ARHGAP1: variants seen among roughly 807,000 people sequenced by gnomAD.
ARHGAP1 encodes the protein rho GTPase-activating protein 1.
In ARHGAP1, 23 loss-of-function variants were observed where a neutral mutation model predicts 52.2. That is an observed-to-expected ratio of 0.44 (90% CI 0.32 to 0.62). ARHGAP1 has a LOEUF of 0.62. Ranked by LOEUF, ARHGAP1 falls within the 20% of genes least tolerant of loss-of-function variation. The pLI, the probability that ARHGAP1 is intolerant of heterozygous loss-of-function variation, is 0.05. For synonymous variants in ARHGAP1, 210 were observed against 228.4 expected (o/e 0.92, Z 0.73); for missense variants, 480 against 560.9 (o/e 0.86, Z 1.46).
At chr11:46,695,935 T>G in intron 2 of ARHGAP1, 40 bp downstream of exon 2, 1 of 1,613,774 alleles carries the variant, frequency 6.2e-7, no homozygotes, top group Non-Finnish European at 8.5e-7. Context: ...CTTCCCCCTC[T>G]AAAGCGCCTG....
rs1319866903 is a variant in ARHGAP1, at chr11:46,696,429, C to T, written c.-49-273G>A. On this transcript the variant is annotated intron_variant, in intron 1 of 12. Coordinates refer to ENST00000311956, the MANE Select transcript of ARHGAP1 (RefSeq NM_004308.5). This position sits in a 1 kb window ranked among gnomAD's most constrained non-coding sequence, Gnocchi z 4.8. ...TGCAGCTGGGGAGGGAAGAGCTGTG[C>T]CAGGTCCTGTGCCGCCCGCCACCCA... Among the ~76,000 whole-genome samples, 1 of 152,192 alleles carries T rather than the reference C, an allele frequency of 6.6e-6. No homozygotes were observed. Among genetic ancestry groups the T allele is most frequent in the African/African-American group, 2.4e-5 (1 of 41,446 alleles).
At position 46,679,797 on chromosome 11, in the gene ARHGAP1, G is replaced by A. The variant is rs1396627173; in HGVS notation, c.899-21C>T. 1 of 1,612,220 alleles carries A rather than the reference G, an allele frequency of 6.2e-7. No individual in the cohort carries two copies. The highest frequency in any genetic ancestry group is 2.2e-5 in the East Asian group (1 of 44,898). On this transcript the variant is annotated intron_variant, in intron 10 of 12. Coordinates refer to ENST00000311956, the MANE Select transcript of ARHGAP1 (RefSeq NM_004308.5). This position sits in a 1 kb window ranked among gnomAD's most constrained non-coding sequence, Gnocchi z 4.4. Reference sequence around the variant, plus strand: ...CAGCCCTGGGGTGGGGGCAGCGTGAGAGAAGCTCGGCACAGCCTGAAGGGC... The same window carrying A: ...CAGCCCTGGGGTGGGGGCAGCGTGAAAGAAGCTCGGCACAGCCTGAAGGGC...
Position 46,680,789 on chromosome 11 carries a change from TGGA to T in ARHGAP1, c.636-45_636-43del. ...AGGTGGGTCAGGTCCTGCCTGGCTC[TGGA>T]GTCACTCTGCCAATTCAATCAAGCA... is the stretch of plus-strand genomic sequence containing the variant. On this transcript the variant is annotated intron_variant, in intron 7 of 12. Coordinates refer to ENST00000311956, the MANE Select transcript of ARHGAP1 (RefSeq NM_004308.5). This position sits in a 1 kb window ranked among gnomAD's most constrained non-coding sequence, Gnocchi z 5.9. 7.0e-7 allele frequency: 1 copy of T among 1,420,386 alleles called. No homozygotes were observed. The highest frequency in any genetic ancestry group is 9.5e-7 in the Non-Finnish European group (1 of 1,051,476). 88.0% of individuals were successfully genotyped at this position (1,420,386 alleles called of 1,614,324 possible). A position where few individuals can be genotyped will look rare whatever the true frequency, so the allele number is the denominator to read the frequency against.
chr11:46,688,154 C>T lies in ARHGAP1; in HGVS notation c.317+19G>A, dbSNP rs191051426. 138 of 1,609,452 alleles carry T rather than the reference C, an allele frequency of 8.6e-5. No homozygotes were observed. The Middle Eastern group carries it at 1.7e-3, about 19-fold the overall frequency. On this transcript the variant is annotated intron_variant, in intron 4 of 12. Coordinates refer to ENST00000311956, the MANE Select transcript of ARHGAP1 (RefSeq NM_004308.5). ...GGGATCTGGGCAAAGCCCCAACACA[C>T]TTCCCAGCAGGTACTCACCCCAGGA...
At chr11:46,699,147 C>G (rs1565692065) in intron 1 of ARHGAP1, among the ~76,000 whole-genome samples, 1 of 152,162 alleles carries the variant, frequency 6.6e-6, no homozygotes, top group Non-Finnish European at 1.5e-5. Context: ...CCTAAGAAAA[C>G]TTAGGAGATG....
chr11:46,700,309 G>A (rs1433918167), intron 1 of ARHGAP1, among the ~76,000 whole-genome samples: 1 of 151,816 alleles, frequency 6.6e-6, no homozygotes, highest in African/African-American at 2.4e-5. Context: ...ATCCGGCCTG[G>A]ACTCTGCCCT....
intron 2 of ARHGAP1, 89 bp from the exon 3 acceptor site, chr11:46,695,844 A>G: frequency 1.9e-6 from 3 of 1,586,244 alleles, no homozygotes; most frequent in Non-Finnish European, 2.6e-6. Flanking sequence ...TTCCCCCAGT[A>G]AGGCCCATGC....
chr11:46,697,374 G>T (rs1164321883), intron 1 of ARHGAP1: 1 of 152,196 alleles, frequency 6.6e-6, no homozygotes, highest in East Asian at 1.9e-4. Flanking sequence ...GCTGCTCCAT[G>T]TCCAGCTGCA....
intron 1 of ARHGAP1, among the ~76,000 whole-genome samples, chr11:46,699,265 G>T (rs780144429): frequency 2.6e-5 from 4 of 152,164 alleles, no homozygotes; most frequent in Non-Finnish European, 5.9e-5. Flanking sequence ...TTTGTTGAAT[G>T]AATGAACCAA....
In ARHGAP1 at chr11:46,679,513, T is replaced by C. The variant is rs1207789465; in HGVS notation, c.1028-45A>G. ...GGGTTATAGGGGCCCTAGGCTGGGC[T>C]GGTTCAGGACGCTCTGATGCAGGCT... On this transcript the variant is annotated intron_variant, in intron 11 of 12. Coordinates refer to ENST00000311956, the MANE Select transcript of ARHGAP1 (RefSeq NM_004308.5). This position sits in a 1 kb window ranked among gnomAD's most constrained non-coding sequence, Gnocchi z 4.4. The C allele has an allele frequency of 1.2e-6, 2 of 1,610,548 alleles. No homozygotes were observed. The highest frequency in any genetic ancestry group is 8.5e-7 in the Non-Finnish European group (1 of 1,177,292).
Position 46,679,265 on chromosome 11 carries a change from T to C in ARHGAP1, c.1132-40A>G. 6.3e-7 allele frequency: 1 copy of C among 1,592,414 alleles called. No individual in the cohort carries two copies. Among genetic ancestry groups the C allele is most frequent in the East Asian group, 2.2e-5 (1 of 44,642 alleles). On this transcript the variant is annotated intron_variant, in intron 12 of 12. Transcript: ENST00000311956. The surrounding 1 kb of genome is among the most constrained non-coding windows in gnomAD (Gnocchi z 4.4). The stretch of plus-strand genomic sequence containing the variant: ...AGGGACTGCAGCAGGAAGCCACAGA[T>C]GCTGCCTCCCACTCCCAGCAACAAT...
rs11822837 is a variant in ARHGAP1 at position 46,679,391 on chromosome 11, G to T, written c.1105C>A (p.Arg369Ser). Residue 369 changes from arginine to serine, a missense_variant, in exon 12 of 13, where the codon CGT becomes AGT. Arg to Ser is a moderately radical substitution (Grantham distance 110). Coordinates refer to ENST00000311956, the MANE Select transcript of ARHGAP1 (RefSeq NM_004308.5). This position sits in a 1 kb window ranked among gnomAD's most constrained non-coding sequence, Gnocchi z 4.4. The stretch of plus-strand genomic sequence containing the variant: ...TGCACCAGGAAAGCAGTCAGGAAAC[G>T]AAGCACCTGGTAGTTCTCCTCGGGC... The part of the protein sequence containing the change: ...TLPEENYQVL[R>S]FLTAFLVQIS... The T allele has an allele frequency of 5.0e-6, 8 of 1,614,182 alleles. No individual in the cohort carries two copies. In the East Asian group the frequency reaches 1.8e-4, roughly 36 times the overall value.
chr11:46,682,206 G>T, intron 4 of ARHGAP1, 24 bp from the exon 5 acceptor site: 1 of 1,613,198 alleles, frequency 6.2e-7, no homozygotes, highest in South Asian at 1.1e-5. Context: ...GCCCTGCTCA[G>T]GCCTGCCCTG....
intron 4 of ARHGAP1, 137 bp downstream of exon 4, chr11:46,688,036 C>T (rs1408186592): frequency 2.6e-6 from 2 of 774,914 alleles, no homozygotes; most frequent in South Asian, 1.8e-5. Flanking sequence ...TATAAACCAG[C>T]TCCTTCATGA....
At position 46,679,727 on chromosome 11, in the gene ARHGAP1, G is replaced by T; in HGVS notation, c.948C>A (p.Val316=). ...GCTCCCGGAGGAAGGTCTTGAGGATGACTGCTGGCAGGTGCAGCTCATTGT... is the reference window on the plus strand; with the variant it reads ...GCTCCCGGAGGAAGGTCTTGAGGATTACTGCTGGCAGGTGCAGCTCATTGT... The part of the protein sequence containing the change: ...DQYNELHLPA[V]ILKTFLRELP... The change falls in exon 11 of 13, where the codon GTC becomes GTA. Residue 316 remains valine (V), a synonymous_variant. Transcript: ENST00000311956. This position sits in a 1 kb window ranked among gnomAD's most constrained non-coding sequence, Gnocchi z 4.4. The T allele has an allele frequency of 6.2e-7, 1 of 1,614,078 alleles. No homozygotes were observed. Among genetic ancestry groups the T allele is most frequent in the South Asian group, 1.1e-5 (1 of 91,082 alleles).
chr11:46,697,897 C>A (rs1040356656), intron 1 of ARHGAP1, among the ~76,000 whole-genome samples: 2 of 152,218 alleles, frequency 1.3e-5, no homozygotes, highest in Admixed American at 1.3e-4. Context: ...TCTACATGTG[C>A]TTCCTGCCAT....
In ARHGAP1 at chr11:46,681,148, C is replaced by T. The variant is rs749834104; in HGVS notation, c.537-39G>A. The T allele has an allele frequency of 3.8e-6, 6 of 1,585,060 alleles. No homozygotes were observed. The South Asian group carries it at 6.6e-5, about 18-fold the overall frequency. On this transcript the variant is annotated intron_variant, in intron 6 of 12. Coordinates refer to ENST00000311956, the MANE Select transcript of ARHGAP1 (RefSeq NM_004308.5). The surrounding 1 kb of genome is among the most constrained non-coding windows in gnomAD (Gnocchi z 5.7). ...AAAGGGCCTGGGTTGTGGGGGCCCG[C>T]TTCCGGTGGCCTCCACTCTCCCCTC...
chr11:46,677,571 C>T lies in ARHGAP1; in HGVS notation c.*1466G>A. ...CCTGTACTCCCCAAGGACAAGGCTG[C>T]AGGAAGAGGGATCCCCAGGAAGGAG... On this transcript the variant is annotated 3_prime_UTR_variant, in exon 13 of 13. Transcript: ENST00000311956. The T allele has an allele frequency of 4.8e-6, 1 of 207,908 alleles. No homozygotes were observed. The highest frequency in any genetic ancestry group is 9.9e-6 in the Non-Finnish European group (1 of 100,820). The allele number at this position is 207,908 out of a possible 1,614,324, so 12.9% of individuals were successfully genotyped here.
intron 3 of ARHGAP1, among the ~76,000 whole-genome samples, chr11:46,693,601 G>T (rs1363767466): frequency 6.6e-6 from 1 of 151,900 alleles, no homozygotes; most frequent in Non-Finnish European, 1.5e-5. Context: ...GTAGAGACAG[G>T]GTTTCACTAT....
Sources: gnomAD v4.1 joint callset for allele counts (sites outside exome capture counted in the v4.1 genomes callset) on GRCh38, gnomAD v4.1.1 for gene constraint, Gnocchi (gnomAD v3.1) non-coding constraint, MANE v1.5 for transcripts, NCBI Gene and HGNC (gene_info 2026-07-23, HGNC 2026-07-21) for gene names.